SPATA16: variants seen among roughly 807,000 people sequenced by gnomAD.
SPATA16 encodes the protein spermatogenesis-associated protein 16.
A neutral mutation model predicts 63.3 loss-of-function variants in SPATA16; 36 were observed. The ratio of observed to expected loss-of-function variants is 0.57; its 90% confidence interval spans 0.44 to 0.75. The LOEUF is 0.75. SPATA16 is among the 30% of genes least tolerant of loss of function. The probability of loss-of-function intolerance (pLI) is 0.00; values close to 1 mark genes in which losing one functional copy is unlikely to be tolerated. For synonymous variants in SPATA16, 203 were observed against 216.7 expected (o/e 0.94, Z 0.56); for missense variants, 646 against 679.3 (o/e 0.95, Z 0.54).
At chr3:173,061,879 C>T (rs898152168) in intron 2 of SPATA16, among the ~76,000 whole-genome samples, 10 of 152,098 alleles carry the variant, frequency 6.6e-5, no homozygotes, top group African/African-American at 2.4e-4. Context: ...CTTAAAAGTA[C>T]TATCAGAGTT....
At chr3:172,975,663 A>G (rs1734139678) in intron 5 of SPATA16, among the ~76,000 whole-genome samples, 1 of 152,156 alleles carries the variant, frequency 6.6e-6, no homozygotes, top group Non-Finnish European at 1.5e-5. Flanking sequence ...CAGAGAAGTA[A>G]TAGGTTGTTT....
At chr3:172,894,728 C>T (rs1040212409) in intron 10 of SPATA16, among the ~76,000 whole-genome samples, 2 of 152,140 alleles carry the variant, frequency 1.3e-5, no homozygotes, top group African/African-American at 2.4e-5. Flanking sequence ...GATTAGGTCA[C>T]AAGAATGGAA....
chr3:173,076,148 G>A (rs1026654532), intron 2 of SPATA16, among the ~76,000 whole-genome samples: 1 of 152,030 alleles, frequency 6.6e-6, no homozygotes, highest in African/African-American at 2.4e-5. Flanking sequence ...ATATGAACTA[G>A]TATGGTGTAT....
chr3:172,953,356 A>G (rs1021275413), intron 6 of SPATA16, among the ~76,000 whole-genome samples: 2 of 152,168 alleles, frequency 1.3e-5, no homozygotes, highest in Admixed American at 1.3e-4. Context: ...TGGCAGAGTA[A>G]CATAGCCAGT....
intron 7 of SPATA16, among the ~76,000 whole-genome samples, chr3:172,924,775 T>C (rs1732690385): frequency 6.6e-6 from 1 of 152,196 alleles, no homozygotes; most frequent in Admixed American, 6.6e-5. Context: ...ATTATGTGGT[T>C]AGAGCTGCAG....
In SPATA16 at chr3:172,940,336, A is replaced by T. The variant is rs571374134; in HGVS notation, c.1082-14844T>A. Among the ~76,000 whole-genome samples, 387 of 152,246 alleles carry T rather than the reference A, an allele frequency of 2.5e-3. 2 individuals carry two copies. Among genetic ancestry groups the T allele is most frequent in the Non-Finnish European group, 3.5e-3 (236 of 68,014 alleles). On this transcript the variant is annotated intron_variant, in intron 6 of 10. Transcript: ENST00000351008. ...CTTCAACTTGTGGAACCTGACACTA[A>T]CTCTATGTGGATAGTTATCAGAATT...
At chr3:172,960,505 G>A (rs1387922088) in intron 5 of SPATA16, among the ~76,000 whole-genome samples, 1 of 152,160 alleles carries the variant, frequency 6.6e-6, no homozygotes, top group Admixed American at 6.5e-5. Flanking sequence ...CATAAGCCAA[G>A]AGTGTAAGTG....
intron 5 of SPATA16, among the ~76,000 whole-genome samples, chr3:172,962,305 C>T (rs919700833): frequency 7.0e-6 from 1 of 143,062 alleles, no homozygotes; most frequent in Admixed American, 6.9e-5. Context: ...AGGAAGATGG[C>T]ACTACATAGT....
intron 5 of SPATA16, among the ~76,000 whole-genome samples, chr3:172,965,265 T>A (rs2108242623): frequency 6.6e-6 from 1 of 152,342 alleles, no homozygotes; most frequent in Middle Eastern, 3.4e-3. Flanking sequence ...TCTTAGGGCC[T>A]CTTCCTCTGA....
chr3:173,108,737 T>G (rs1737678830), intron 2 of SPATA16, among the ~76,000 whole-genome samples: 1 of 152,196 alleles, frequency 6.6e-6, no homozygotes, highest in Non-Finnish European at 1.5e-5. Context: ...AGGTGTACCA[T>G]TTTTTATTTT....
At chr3:172,925,598 A>G in intron 6 of SPATA16, 106 bp from the exon 7 acceptor site, 4 of 1,367,124 alleles carry the variant, frequency 2.9e-6, no homozygotes, top group Non-Finnish European at 4.1e-6. Context: ...AATAATAACT[A>G]TAAATGTGAA....
chr3:173,122,630 C>T (rs1318371224), intron 1 of SPATA16, among the ~76,000 whole-genome samples: 1 of 152,022 alleles, frequency 6.6e-6, no homozygotes, highest in Non-Finnish European at 1.5e-5. Flanking sequence ...AAACACACTA[C>T]AAAATATTTC....
chr3:173,088,171 G>A (rs1289041840), intron 2 of SPATA16, among the ~76,000 whole-genome samples: 2 of 143,642 alleles, frequency 1.4e-5, no homozygotes, highest in East Asian at 2.2e-4. Context: ...TGCAACCTCC[G>A]CCTCCCAGGT....
chr3:172,991,076 C>A (rs1332833348), intron 4 of SPATA16, among the ~76,000 whole-genome samples: 1 of 152,042 alleles, frequency 6.6e-6, no homozygotes, highest in Admixed American at 6.6e-5. Context: ...TAGGGGTGAC[C>A]ATACACCTAG....
intron 3 of SPATA16, among the ~76,000 whole-genome samples, chr3:173,023,579 A>G (rs1298679837): frequency 6.6e-6 from 1 of 151,918 alleles, no homozygotes; most frequent in Non-Finnish European, 1.5e-5. Context: ...TATTAAACTA[A>G]AGACATTAGA....
At chr3:173,072,253 G>T (rs752244222) in intron 2 of SPATA16, among the ~76,000 whole-genome samples, 1 of 152,116 alleles carries the variant, frequency 6.6e-6, no homozygotes, top group African/African-American at 2.4e-5. Flanking sequence ...ACAAAATCAT[G>T]TCCTTTGCAG....
intron 4 of SPATA16, among the ~76,000 whole-genome samples, chr3:173,014,747 G>A (rs1735143596): frequency 6.6e-6 from 1 of 152,168 alleles, no homozygotes; most frequent in South Asian, 2.1e-4. Context: ...TCTTTGGAAG[G>A]GCCAGTGGTA....
intron 4 of SPATA16, among the ~76,000 whole-genome samples, chr3:172,989,940 C>T (rs946928805): frequency 5.3e-5 from 8 of 152,092 alleles, no homozygotes; most frequent in African/African-American, 1.9e-4. Flanking sequence ...GTGAGAATGC[C>T]ATTTCTTTGG....
chr3:172,915,028 C>G (rs1475419396), intron 9 of SPATA16, among the ~76,000 whole-genome samples: 1 of 152,050 alleles, frequency 6.6e-6, no homozygotes, highest in African/African-American at 2.4e-5. Context: ...TTTGCTTCCT[C>G]TTATCTCAGA....
Sources: gnomAD v4.1 joint callset for allele counts (sites outside exome capture counted in the v4.1 genomes callset) on GRCh38, gnomAD v4.1.1 for gene constraint, MANE v1.5 for transcripts, NCBI Gene and HGNC (gene_info 2026-07-23, HGNC 2026-07-21) for gene names.